The following LMBRD1 variants were observed in gnomAD, a reference collection of about 807,000 sequenced individuals.
LMBRD1 encodes the protein LMBR1 domain containing 1, also known as lysosomal cobalamin transport escort protein LMBD1.
A neutral mutation model predicts 74.8 loss-of-function variants in LMBRD1; 64 were observed. That is an observed-to-expected ratio of 0.86 (90% CI 0.70 to 1.05). LMBRD1 has a LOEUF of 1.05. LMBRD1 is among the 50% of genes least tolerant of loss of function. The pLI, the probability that LMBRD1 is intolerant of heterozygous loss-of-function variation, is 0.00. For missense variants in LMBRD1, 652 were observed against 645.9 expected, an observed-to-expected ratio of 1.01 and a Z score of -0.10; for synonymous variants, 204 against 216.3, an observed-to-expected ratio of 0.94 and a Z score of 0.50.
chr6:69,702,722 T>C (rs1766161439), intron 9 of LMBRD1, among the ~76,000 whole-genome samples: 1 of 152,070 alleles, frequency 6.6e-6, no homozygotes, highest in Non-Finnish European at 1.5e-5. Flanking sequence ...CGGGGACAAC[T>C]GGGCTAAAGA....
At chr6:69,690,504 G>T (rs1765853685) in intron 14 of LMBRD1, among the ~76,000 whole-genome samples, 1 of 152,094 alleles carries the variant, frequency 6.6e-6, no homozygotes. Flanking sequence ...TGAAATATTA[G>T]ATTTACAAAC....
chr6:69,703,746 T>C (rs997650679), intron 9 of LMBRD1, among the ~76,000 whole-genome samples: 3 of 152,048 alleles, frequency 2.0e-5, no homozygotes, highest in African/African-American at 4.8e-5. Flanking sequence ...AATTAAACTA[T>C]AGAGGTAACA....
chr6:69,771,736 G>A (rs912746790), intron 3 of LMBRD1, among the ~76,000 whole-genome samples: 1 of 152,260 alleles, frequency 6.6e-6, no homozygotes, highest in South Asian at 2.1e-4. Context: ...TCAGGGTTTT[G>A]AGCAGATAAG....
At chr6:69,705,852 C>G (rs1482401655) in intron 9 of LMBRD1, 2 of 1,329,694 alleles carry the variant, frequency 1.5e-6, no homozygotes, top group Non-Finnish European at 2.1e-6. Context: ...CTGAACCACA[C>G]TTCAACCGTA....
intron 7 of LMBRD1, among the ~76,000 whole-genome samples, chr6:69,722,072 C>A (rs1481802873): frequency 6.6e-6 from 1 of 152,190 alleles, no homozygotes; most frequent in Non-Finnish European, 1.5e-5. Context: ...AAGGTTTTTA[C>A]TCCAATTCCT....
chr6:69,737,901 TTATA>T, intron 7 of LMBRD1, 37 bp downstream of exon 7: 2 of 1,358,490 alleles, frequency 1.5e-6, no homozygotes, highest in Non-Finnish European at 2.1e-6. Flanking sequence ...AAAAATTGTT[TTATA>T]AGGCAATTTT....
At chr6:69,793,558 T>C (rs1159284365) in intron 1 of LMBRD1, among the ~76,000 whole-genome samples, 1 of 152,096 alleles carries the variant, frequency 6.6e-6, no homozygotes, top group Non-Finnish European at 1.5e-5. Flanking sequence ...CAGAGGACAT[T>C]GAAGCTAGAT....
At chr6:69,751,257 T>G (rs919718537) in intron 4 of LMBRD1, among the ~76,000 whole-genome samples, 2 of 152,304 alleles carry the variant, frequency 1.3e-5, no homozygotes, top group African/African-American at 4.8e-5. Context: ...ATACCAATAC[T>G]TAAGTGATAA....
At chr6:69,772,175 C>G (rs552002271) in intron 3 of LMBRD1, among the ~76,000 whole-genome samples, 1 of 152,108 alleles carries the variant, frequency 6.6e-6, no homozygotes, top group South Asian at 2.1e-4. Flanking sequence ...GAGGTCTGCA[C>G]AAAGATTCGA....
At chr6:69,702,890 G>A (rs1766164219) in intron 9 of LMBRD1, among the ~76,000 whole-genome samples, 1 of 152,058 alleles carries the variant, frequency 6.6e-6, no homozygotes, top group Non-Finnish European at 1.5e-5. Context: ...GACTGTGGAA[G>A]TAAATTTTAG....
rs1765502858 is a variant in LMBRD1, at chr6:69,674,296, G to A, written c.*1862C>T. Reference sequence around the variant, plus strand: ...ATCTCCACATAAAGTATTATTCTATGAAGTACCAGGGGACAAGATTTCAAC... The same window carrying A: ...ATCTCCACATAAAGTATTATTCTATAAAGTACCAGGGGACAAGATTTCAAC... On this transcript the variant is annotated 3_prime_UTR_variant, in exon 16 of 16. Coordinates refer to ENST00000649934, the MANE Select transcript of LMBRD1 (RefSeq NM_018368.4). 6.6e-6 allele frequency among the ~76,000 whole-genome samples: 1 copy of A among 152,176 alleles called. No individual in the cohort carries two copies. Among genetic ancestry groups the A allele is most frequent in the Non-Finnish European group, 1.5e-5 (1 of 68,042 alleles).
intron 14 of LMBRD1, among the ~76,000 whole-genome samples, chr6:69,692,485 A>G (rs1272330656): frequency 6.6e-6 from 1 of 152,204 alleles, no homozygotes; most frequent in Non-Finnish European, 1.5e-5. Flanking sequence ...ATGAATTTTT[A>G]TAAATGATCA....
At chr6:69,711,554 A>G (rs957372853) in intron 9 of LMBRD1, among the ~76,000 whole-genome samples, 3 of 152,308 alleles carry the variant, frequency 2.0e-5, no homozygotes, top group African/African-American at 7.2e-5. Context: ...ATAAAGCTGG[A>G]GAGAGTTTCA....
intron 2 of LMBRD1, among the ~76,000 whole-genome samples, chr6:69,784,214 T>C (rs1307740131): frequency 6.6e-6 from 1 of 152,220 alleles, no homozygotes; most frequent in Non-Finnish European, 1.5e-5. Flanking sequence ...CAGAGTCATT[T>C]AGGACACAAA....
chr6:69,721,219 C>T (rs73745760), intron 7 of LMBRD1, among the ~76,000 whole-genome samples: 5,110 of 152,210 alleles, frequency 0.034, 282 homozygotes, highest in African/African-American at 0.11. Context: ...GCTGGGCTTA[C>T]AGTGGACTAG....
intron 5 of LMBRD1, among the ~76,000 whole-genome samples, chr6:69,745,307 G>A (rs528739681): frequency 2.1e-4 from 31 of 146,552 alleles, no homozygotes; most frequent in African/African-American, 7.6e-4. Flanking sequence ...GTCGGACTGC[G>A]GACTGCAGTG....
At chr6:69,731,548 C>A (rs1442347399) in intron 7 of LMBRD1, among the ~76,000 whole-genome samples, 2 of 151,946 alleles carry the variant, frequency 1.3e-5, no homozygotes, top group African/African-American at 4.8e-5. Context: ...TTTTTACTTT[C>A]AGTACAGTAG....
chr6:69,769,287 C>A (rs1765531027), intron 3 of LMBRD1, among the ~76,000 whole-genome samples: 1 of 152,066 alleles, frequency 6.6e-6, no homozygotes, highest in African/African-American at 2.4e-5. Context: ...TCTGGTAAGA[C>A]CCTCTAGTAA....
chr6:69,758,955 A>G (rs566193108), intron 3 of LMBRD1, among the ~76,000 whole-genome samples: 31 of 152,234 alleles, frequency 2.0e-4, no homozygotes, highest in African/African-American at 6.7e-4. Context: ...AATAGGGTCA[A>G]TCACTCCATC....
Sources: gnomAD v4.1 joint callset for allele counts (sites outside exome capture counted in the v4.1 genomes callset) on GRCh38, gnomAD v4.1.1 for gene constraint, MANE v1.5 for transcripts, NCBI Gene and HGNC (gene_info 2026-07-23, HGNC 2026-07-21) for gene names.